The following ITCH variants were observed in gnomAD, a reference collection of about 807,000 sequenced individuals.
ITCH encodes the protein itchy E3 ubiquitin protein ligase.
In ITCH, 28 loss-of-function variants were observed where a neutral mutation model predicts 126.8. That is an observed-to-expected ratio of 0.22 (90% CI 0.16 to 0.30). The LOEUF is 0.30. ITCH is among the 10% of genes least tolerant of loss of function. ITCH has a pLI of 1.00. For missense variants in ITCH, 631 were observed against 1,032.4 expected, an observed-to-expected ratio of 0.61 and a Z score of 5.33; for synonymous variants, 342 against 340.0, an observed-to-expected ratio of 1.01 and a Z score of -0.06.
chr20:34,394,570 A>G (rs1176378492), intron 3 of ITCH, among the ~76,000 whole-genome samples: 1 of 152,090 alleles, frequency 6.6e-6, no homozygotes, highest in African/African-American at 2.4e-5. Flanking sequence ...TTTTGTAGAG[A>G]TGGGGTCTCA....
intron 7 of ITCH, among the ~76,000 whole-genome samples, chr20:34,429,791 G>A (rs1601879968): frequency 1.4e-5 from 2 of 138,056 alleles, no homozygotes; most frequent in East Asian, 2.1e-4. Context: ...AAAATAATAC[G>A]ATTGTTTTAA....
At chr20:34,381,374 C>T (rs1440487319) in intron 2 of ITCH, among the ~76,000 whole-genome samples, 2 of 151,980 alleles carry the variant, frequency 1.3e-5, no homozygotes, top group African/African-American at 4.8e-5. Context: ...CCTCCACCTC[C>T]CAGGATCAAG....
rs189155204 is a variant in ITCH, at chr20:34,417,493, G to A, written c.475+3614G>A. ...CGGCTCACTACAACCTCTGCCTCCC[G>A]GGTTCAAGCAGTTCTCCTTCCTCAG... On this transcript the variant is annotated intron_variant, in intron 6 of 24. Transcript: ENST00000374864. 3.3e-5 allele frequency among the ~76,000 whole-genome samples: 5 copies of A among 150,430 alleles called. No homozygotes were observed. The East Asian group carries it at 5.9e-4, about 18-fold the overall frequency.
chr20:34,480,559 G>T lies in ITCH; in HGVS notation c.1819-40G>T. The T allele has an allele frequency of 3.1e-6, 5 of 1,601,660 alleles. No homozygotes were observed. The South Asian group carries it at 3.3e-5, about 11-fold the overall frequency. On this transcript the variant is annotated intron_variant, in intron 18 of 24. Transcript: ENST00000374864. ...AATATATTGAAATAAAATGATTATTGTACAGTTATTTTAAGCGGTCTTGTT... is the reference window on the plus strand; with the variant it reads ...AATATATTGAAATAAAATGATTATTTTACAGTTATTTTAAGCGGTCTTGTT...
At chr20:34,468,950 G>GT (rs1476505534) in intron 14 of ITCH, among the ~76,000 whole-genome samples, 1 of 152,024 alleles carries the variant, frequency 6.6e-6, no homozygotes, top group Admixed American at 6.6e-5. Context: ...ATTTAACAGC[G>GT]TAACAGAATA....
chr20:34,456,158 T>TTGTGTGTGTG (rs1161624865), intron 12 of ITCH, among the ~76,000 whole-genome samples: 3 of 47,710 alleles, frequency 6.3e-5, no homozygotes, highest in African/African-American at 2.5e-4. Flanking sequence ...TTTTTATATA[T>TTGTGTGTGTG]TGTGTGTGTG....
chr20:34,471,064 C>G (rs531479912), intron 15 of ITCH, among the ~76,000 whole-genome samples: 1 of 152,112 alleles, frequency 6.6e-6, no homozygotes, highest in African/African-American at 2.4e-5. Context: ...GGTTCTAAAT[C>G]AAATGAATGC....
chr20:34,409,816 C>CT (rs777053080), intron 4 of ITCH, among the ~76,000 whole-genome samples: 12 of 152,030 alleles, frequency 7.9e-5, no homozygotes, highest in Non-Finnish European at 1.2e-4. Context: ...GCATTATAAT[C>CT]TAAGATATTG....
intron 3 of ITCH, among the ~76,000 whole-genome samples, chr20:34,404,329 G>C (rs2146123393): frequency 6.6e-6 from 1 of 151,542 alleles, no homozygotes; most frequent in African/African-American, 2.4e-5. Flanking sequence ...TCTAGACTTT[G>C]AGATTTGAAT....
At chr20:34,388,488 G>A (rs530232551) in intron 2 of ITCH, among the ~76,000 whole-genome samples, 48 of 151,984 alleles carry the variant, frequency 3.2e-4, no homozygotes, top group African/African-American at 1.0e-3. Flanking sequence ...GGTCTCTGGC[G>A]ATCTTTGTGC....
intron 6 of ITCH, among the ~76,000 whole-genome samples, chr20:34,418,479 A>T (rs1376834159): frequency 3.3e-5 from 5 of 152,076 alleles, no homozygotes; most frequent in Admixed American, 2.0e-4. Flanking sequence ...GTTAGGGTAA[A>T]CCATTTTCAT....
intron 3 of ITCH, among the ~76,000 whole-genome samples, chr20:34,400,651 T>C (rs1041484964): frequency 1.0e-4 from 15 of 148,694 alleles, no homozygotes; most frequent in African/African-American, 2.5e-4. Context: ...TTTTTCTTTT[T>C]TTTTTTTTTT....
At chr20:34,431,594 GAGAA>G (rs1308834667) in intron 7 of ITCH, among the ~76,000 whole-genome samples, 1 of 152,124 alleles carries the variant, frequency 6.6e-6, no homozygotes, top group Non-Finnish European at 1.5e-5. Context: ...AAAATCTGTG[GAGAA>G]AGAAAAGGAG....
chr20:34,446,378 A>G (rs1263138114), intron 11 of ITCH, among the ~76,000 whole-genome samples: 1 of 152,166 alleles, frequency 6.6e-6, no homozygotes, highest in East Asian at 1.9e-4. Flanking sequence ...CTAACTAGGC[A>G]TAGTTTTATC....
intron 7 of ITCH, among the ~76,000 whole-genome samples, chr20:34,433,039 C>T (rs1396993879): frequency 2.6e-5 from 4 of 152,128 alleles, no homozygotes; most frequent in African/African-American, 9.7e-5. Context: ...CCTGTAATCC[C>T]AGCACTTTAG....
At chr20:34,466,895 G>C (rs556615986) in intron 14 of ITCH, among the ~76,000 whole-genome samples, 37 of 152,184 alleles carry the variant, frequency 2.4e-4, no homozygotes, top group African/African-American at 8.9e-4. Flanking sequence ...AAAAAGGCAA[G>C]TTATTAAACC....
intron 6 of ITCH, among the ~76,000 whole-genome samples, chr20:34,414,359 T>C (rs1473557151): frequency 6.6e-6 from 1 of 151,854 alleles, no homozygotes; most frequent in Non-Finnish European, 1.5e-5. Flanking sequence ...CTATGGCAGT[T>C]AATATGGGTT....
At chr20:34,458,178 T>C (rs1418900270) in intron 13 of ITCH, among the ~76,000 whole-genome samples, 1 of 152,188 alleles carries the variant, frequency 6.6e-6, no homozygotes, top group Admixed American at 6.5e-5. Flanking sequence ...TCTTCCATTA[T>C]GAATGTAGGC....
chr20:34,433,485 C>G (rs933426065), intron 7 of ITCH, among the ~76,000 whole-genome samples: 2 of 152,044 alleles, frequency 1.3e-5, no homozygotes, highest in African/African-American at 4.8e-5. Context: ...TGAGACCACC[C>G]TGGTCACCAT....
Sources: allele counts gnomAD v4.1 joint callset (sites outside exome capture counted in the v4.1 genomes callset), GRCh38; gene constraint gnomAD v4.1.1; transcripts MANE v1.5; gene names NCBI Gene and HGNC (gene_info 2026-07-23, HGNC 2026-07-21).